The following GRHPR variants were observed in gnomAD, a reference collection of about 807,000 sequenced individuals.
GRHPR encodes the protein glyoxylate and hydroxypyruvate reductase.
GRHPR carries 35 observed loss-of-function variants against 36.8 expected under a neutral mutation model. The ratio of observed to expected loss-of-function variants is 0.95; its 90% CI spans 0.73 to 1.26. GRHPR has a LOEUF of 1.26. GRHPR is among the 50% of genes most tolerant of loss of function. The pLI is 0.00. For missense variants in GRHPR, 380 were observed against 435.0 expected (o/e 0.87, Z 1.12); for synonymous variants, 179 against 181.0 (o/e 0.99, Z 0.09).
rs747479930 is a variant in GRHPR, at chr9:37,422,734, C to G, written c.-17C>G. 3 of 1,557,922 alleles carry G rather than the reference C, an allele frequency of 1.9e-6. No homozygotes were observed. The highest frequency in any genetic ancestry group is 2.4e-5 in the East Asian group (1 of 41,662). On this transcript the variant is annotated 5_prime_UTR_variant, in exon 1 of 9. Transcript: ENST00000318158. ...AGCTTCTGTACTGCCAGGTCCGGGT[C>G]GGCGGCTGCACTGCGGATGAGACCG... is the stretch of plus-strand genomic sequence containing the variant.
At chr9:37,427,513 T>C (rs1378982000) in intron 4 of GRHPR, among the ~76,000 whole-genome samples, 2 of 152,016 alleles carry the variant, frequency 1.3e-5, no homozygotes, top group Non-Finnish European at 2.9e-5. Flanking sequence ...GCCTGAAGGT[T>C]TCAGATCAGG....
intron 2 of GRHPR, among the ~76,000 whole-genome samples, chr9:37,425,705 C>T (rs998260818): frequency 1.3e-5 from 2 of 152,204 alleles, no homozygotes; most frequent in African/African-American, 2.4e-5. Flanking sequence ...GAGGTGAACC[C>T]GGCTCTGCCT....
At chr9:37,426,226 T>C (rs778782028) in intron 3 of GRHPR, 8 of 606,426 alleles carry the variant, frequency 1.3e-5, no homozygotes, top group Non-Finnish European at 2.3e-5. Context: ...ATTATCTTTT[T>C]TGATCCCCAC....
chr9:37,430,075 CTT>C, intron 6 of GRHPR: 1 of 579,658 alleles, frequency 1.7e-6, no homozygotes, highest in Non-Finnish European at 3.1e-6. Flanking sequence ...TTTCAGAGTC[CTT>C]TGTTACCATT....
chr9:37,426,043 TGA>T, intron 3 of GRHPR, 49 bp downstream of exon 3: 1 of 1,250,952 alleles, frequency 8.0e-7, no homozygotes, highest in Non-Finnish European at 1.2e-6. Context: ...GGGGTGGCTA[TGA>T]GAGAAAGAAG....
At chr9:37,424,293 A>G (rs1364993372) in intron 1 of GRHPR, among the ~76,000 whole-genome samples, 1 of 152,252 alleles carries the variant, frequency 6.6e-6, no homozygotes, top group Non-Finnish European at 1.5e-5. Flanking sequence ...TAGAGGCTCC[A>G]CACGTGCTGA....
intron 2 of GRHPR, 46 bp from the exon 3 acceptor site, chr9:37,425,876 G>A: frequency 7.6e-7 from 1 of 1,311,138 alleles, no homozygotes; most frequent in Non-Finnish European, 1.1e-6. Flanking sequence ...CTGTGGCTTT[G>A]AGTTCCTCGA....
At chr9:37,422,890 C>A in intron 1 of GRHPR, 57 bp downstream of exon 1, 2 of 1,297,262 alleles carry the variant, frequency 1.5e-6, no homozygotes, top group Non-Finnish European at 2.2e-6. Flanking sequence ...GACCGGAGAG[C>A]CGGGCGGGGC....
chr9:37,422,964 TG>T (rs1822906978), intron 1 of GRHPR, 131 bp downstream of exon 1: 2 of 662,752 alleles, frequency 3.0e-6, no homozygotes, highest in South Asian at 3.7e-5. Flanking sequence ...GAAAGTTCTC[TG>T]GGGCCCAGTT....
chr9:37,434,118 G>T (rs1008694579), intron 8 of GRHPR: 10 of 398,526 alleles, frequency 2.5e-5, no homozygotes, highest in South Asian at 1.3e-4. Context: ...GGGCAGTCAG[G>T]GCATGAAGCT....
intron 1 of GRHPR, among the ~76,000 whole-genome samples, chr9:37,423,166 CTTTTTT>C (rs111508809): frequency 2.2e-5 from 3 of 137,052 alleles, no homozygotes; most frequent in Non-Finnish European, 3.2e-5. Flanking sequence ...ATTTACTTAT[CTTTTTT>C]TTTTTTTTTT....
At chr9:37,434,669 A>G (rs1204551747) in intron 8 of GRHPR, 1 of 166,530 alleles carries the variant, frequency 6.0e-6, no homozygotes, top group African/African-American at 2.4e-5. Context: ...ACCCTCCAAC[A>G]AAGTGTCTTT....
At chr9:37,423,801 T>G (rs1822953426) in intron 1 of GRHPR, among the ~76,000 whole-genome samples, 1 of 152,196 alleles carries the variant, frequency 6.6e-6, no homozygotes, top group Non-Finnish European at 1.5e-5. Flanking sequence ...ACCCTTTTTG[T>G]GGGCCAACCT....
chr9:37,432,410 T>C (rs1341975050), intron 8 of GRHPR: 1 of 387,734 alleles, frequency 2.6e-6, no homozygotes, highest in African/African-American at 2.1e-5. Context: ...CCAGGCGTGG[T>C]GGCTCATGCC....
chr9:37,428,355 T>A, intron 4 of GRHPR, 129 bp from the exon 5 acceptor site: 69 of 606,058 alleles, frequency 1.1e-4, no homozygotes, highest in East Asian at 1.7e-4. Flanking sequence ...CAGTGCCTCA[T>A]CCCACTCTCA....
At chr9:37,433,741 A>G (rs1321691057) in intron 8 of GRHPR, 1 of 221,516 alleles carries the variant, frequency 4.5e-6, no homozygotes, top group African/African-American at 2.3e-5. Context: ...TGAGTTAACA[A>G]CTTGATGCGT....
chr9:37,427,356 C>G (rs1823129488), intron 4 of GRHPR, among the ~76,000 whole-genome samples: 1 of 152,196 alleles, frequency 6.6e-6, no homozygotes, highest in African/African-American at 2.4e-5. Context: ...GCTTTTATTT[C>G]TCCCATTTAA....
downstream of GRHPR, among the ~76,000 whole-genome samples, chr9:37,437,267 A>G (rs116831702): frequency 0.011 from 1,602 of 152,294 alleles, 35 homozygotes; most frequent in African/African-American, 0.037. Context: ...TTCAAAAAAA[A>G]CTTTAAAAAT....
intron 7 of GRHPR, 64 bp from the exon 8 acceptor site, chr9:37,431,944 T>G: frequency 6.3e-7 from 1 of 1,582,830 alleles, no homozygotes; most frequent in South Asian, 1.1e-5. Context: ...TAGGTTGTTC[T>G]GCCTCAAAGG....
Sources: gnomAD v4.1 joint callset for allele counts (sites outside exome capture counted in the v4.1 genomes callset) on GRCh38, gnomAD v4.1.1 for gene constraint, MANE v1.5 for transcripts, NCBI Gene and HGNC (gene_info 2026-07-23, HGNC 2026-07-21) for gene names.